Variants in SAP130 observed in about 807,000 individuals in gnomAD.
SAP130 encodes the protein histone deacetylase complex subunit SAP130.
A neutral mutation model predicts 103.2 loss-of-function variants in SAP130; 16 were observed. The observed-to-expected ratio is 0.16, with a 90% CI of 0.10 to 0.24. SAP130 has a LOEUF of 0.24. Among genes scored for constraint, SAP130 ranks in the 10% least tolerant of loss-of-function variants. SAP130 has a pLI of 1.00. For missense variants in SAP130, 990 were observed against 1,359.7 expected (o/e 0.73, Z 4.28); for synonymous variants, 477 against 497.0 (o/e 0.96, Z 0.53).
At chr2:127,988,680 T>C (rs890574425) in intron 13 of SAP130, among the ~76,000 whole-genome samples, 1 of 151,708 alleles carries the variant, frequency 6.6e-6, no homozygotes, top group Non-Finnish European at 1.5e-5. Flanking sequence ...CAAAACTCTG[T>C]CTCTATTAAA....
chr2:128,003,582 G>A (rs959315092), intron 7 of SAP130, among the ~76,000 whole-genome samples: 1 of 151,512 alleles, frequency 6.6e-6, no homozygotes, highest in African/African-American at 2.4e-5. Context: ...GTGAGACGTT[G>A]TCTCAAAAAC....
At position 127,955,237 on chromosome 2, in the gene SAP130, G is replaced by A; in HGVS notation, c.2171C>T (p.Pro724Leu). Reference sequence around the variant, plus strand: ...GGTCGGTGGGGGCTGCTGGGCAGTTGGAGGGACGGCAATGGTAGGCTGATC... The same window carrying A: ...GGTCGGTGGGGGCTGCTGGGCAGTTAGAGGGACGGCAATGGTAGGCTGATC... ...NNDQPTIAVPPTAQQPPPTIP... is the reference protein window; with the variant it reads ...NNDQPTIAVPLTAQQPPPTIP... Residue 724 changes from proline to leucine, a missense_variant, in exon 16 of 21, where the codon CCA (proline) becomes CTA (leucine). By Grantham distance (98) the Pro-to-Leu change is moderately conservative. This residue lies in a region of SAP130 where 349 missense variants were observed against 384.1 expected (regional missense o/e 0.91). Transcript: ENST00000643581. The surrounding 1 kb of genome is among the most constrained non-coding windows in gnomAD (Gnocchi z 4.9). 1 of 1,614,124 alleles carries A rather than the reference G, an allele frequency of 6.2e-7. No homozygotes were observed. Among genetic ancestry groups the A allele is most frequent in the Non-Finnish European group, 8.5e-7 (1 of 1,180,008 alleles).
At chr2:128,022,574 A>T (rs1174899941) in intron 2 of SAP130, among the ~76,000 whole-genome samples, 1 of 152,182 alleles carries the variant, frequency 6.6e-6, no homozygotes, top group Non-Finnish European at 1.5e-5. Context: ...TGCATTCCCA[A>T]CAATAAAGTA....
intron 1 of SAP130, 63 bp from the exon 2 acceptor site, chr2:128,026,361 T>C: frequency 1.7e-6 from 2 of 1,182,698 alleles, no homozygotes; most frequent in Non-Finnish European, 2.5e-6. Flanking sequence ...TACTGAGAAA[T>C]TAAAGCATCT....
intron 15 of SAP130, among the ~76,000 whole-genome samples, chr2:127,963,055 T>C (rs1559045695): frequency 6.6e-6 from 1 of 152,198 alleles, no homozygotes; most frequent in Non-Finnish European, 1.5e-5. Context: ...CTACTGGACT[T>C]ACTTCTTTAT....
chr2:128,015,341 G>A (rs1427226854), intron 4 of SAP130, among the ~76,000 whole-genome samples: 1 of 152,044 alleles, frequency 6.6e-6, no homozygotes, highest in East Asian at 1.9e-4. Context: ...TATCCAACAG[G>A]TGCTCCCTAC....
intron 7 of SAP130, among the ~76,000 whole-genome samples, chr2:128,005,688 C>A (rs1181221043): frequency 1.3e-5 from 2 of 151,688 alleles, no homozygotes; most frequent in Non-Finnish European, 2.9e-5. Flanking sequence ...GCTCTGTTGC[C>A]CAGGCTGGAG....
rs1296680321 is a variant in SAP130, at chr2:128,016,468, G to A, written c.428C>T (p.Pro143Leu). Residue 143 changes from proline to leucine, a missense_variant, in exon 4 of 21, where the codon CCA (proline) becomes CTA (leucine). Physicochemically the swap from Pro to Leu is moderately conservative, Grantham distance 98 (BLOSUM62 -3). Coordinates refer to ENST00000643581, the MANE Select transcript of SAP130 (RefSeq NM_001330301.2). ...PSTLSLPPKV[P>L]GQVTVTMESS... ...CTCCATGGTAACGGTAACCTGCCCT[G>A]GAACCTTGGGGGGAAGTGACAGGGT... The A allele has an allele frequency of 6.2e-7, 1 of 1,613,898 alleles. No individual in the cohort carries two copies. The highest frequency in any genetic ancestry group is 1.3e-5 in the African/African-American group (1 of 74,894).
rs1466475520 is a variant in SAP130, at chr2:127,981,519, C to T, written c.1959-3430G>A. ...ACCCCGACCCAGTCCTCTTGCACCCCTGACTCAGTTCCCCCACCCCGACTC... is the reference window on the plus strand; with the variant it reads ...ACCCCGACCCAGTCCTCTTGCACCCTTGACTCAGTTCCCCCACCCCGACTC... On this transcript the variant is annotated intron_variant, in intron 14 of 20. Coordinates refer to ENST00000643581, the MANE Select transcript of SAP130 (RefSeq NM_001330301.2). 1.9e-4 allele frequency among the ~76,000 whole-genome samples: 18 copies of T among 93,898 alleles called. 1 individual carries two copies. The highest frequency in any genetic ancestry group is 7.3e-4 in the African/African-American group (12 of 16,460). The allele number at this position is 93,898 out of a possible 152,430, so 61.6% of individuals were successfully genotyped here.
intron 15 of SAP130, among the ~76,000 whole-genome samples, chr2:127,963,195 T>G (rs891466268): frequency 4.6e-5 from 7 of 152,110 alleles, no homozygotes; most frequent in Non-Finnish European, 7.3e-5. Flanking sequence ...TTGACAAAAG[T>G]AGTTTGTTTT....
chr2:127,981,098 T>C (rs1681835983), intron 14 of SAP130, among the ~76,000 whole-genome samples: 1 of 151,700 alleles, frequency 6.6e-6, no homozygotes, highest in Admixed American at 6.6e-5. Context: ...GGCCTTACAA[T>C]ACAGTCCCTT....
chr2:127,960,691 G>C (rs1272613585), intron 15 of SAP130, among the ~76,000 whole-genome samples: 1 of 152,030 alleles, frequency 6.6e-6, no homozygotes. Flanking sequence ...TATCAAGAAA[G>C]CTCCCTTTTT....
At chr2:128,022,606 C>G (rs1186549736) in intron 2 of SAP130, among the ~76,000 whole-genome samples, 1 of 152,156 alleles carries the variant, frequency 6.6e-6, no homozygotes, top group Non-Finnish European at 1.5e-5. Flanking sequence ...TGCGCTACAA[C>G]CATTCCAACA....
chr2:127,996,549 A>C lies in SAP130; in HGVS notation c.1214-58T>G. The C allele has an allele frequency of 1.4e-6, 2 of 1,397,558 alleles. No homozygotes were observed. The highest frequency in any genetic ancestry group is 1.9e-6 in the Non-Finnish European group (2 of 1,057,154). 86.6% of individuals were successfully genotyped at this position (1,397,558 alleles called of 1,614,324 possible). On this transcript the variant is annotated intron_variant, in intron 10 of 20. Transcript: ENST00000643581. The surrounding 1 kb of genome is among the most constrained non-coding windows in gnomAD (Gnocchi z 4.3). ...TCTACACTTTTTTTTGGCATGCCAA[A>C]ACATTCTTGGCTAGCAGCAATCTTA...
At chr2:128,019,657 GGGGA>G (rs1685020228) in intron 2 of SAP130, among the ~76,000 whole-genome samples, 1 of 152,134 alleles carries the variant, frequency 6.6e-6, no homozygotes, top group Non-Finnish European at 1.5e-5. Flanking sequence ...AGGCCAAGGT[GGGGA>G]GATCACTTGA....
Position 127,942,259 on chromosome 2 carries a change from C to T in SAP130, c.3016-95G>A, listed in dbSNP as rs1370229. On this transcript the variant is annotated intron_variant, in intron 20 of 20. Coordinates refer to ENST00000643581, the MANE Select transcript of SAP130 (RefSeq NM_001330301.2). This position sits in a 1 kb window ranked among gnomAD's most constrained non-coding sequence, Gnocchi z 4.8. ...CCTTTGGGCAGAGGCCATGTTGAGG[C>T]TTCCACAACAGAGAAAATGTCTTTT... 600,971 of 1,226,712 alleles carry T rather than the reference C, an allele frequency of 0.49. 155,687 individuals are homozygous for T. The highest frequency in any genetic ancestry group is 0.53 in the Non-Finnish European group (461,279 of 867,426). The allele number at this position is 1,226,712 out of a possible 1,614,324, so 76.0% of individuals were successfully genotyped here.
chr2:128,003,342 A>G (rs1298453076), intron 7 of SAP130, among the ~76,000 whole-genome samples: 2 of 151,730 alleles, frequency 1.3e-5, no homozygotes, highest in African/African-American at 2.4e-5. Context: ...CCCAGTCTCT[A>G]TGAAAAATAA....
Position 127,989,654 on chromosome 2 carries a change from C to T in SAP130, c.1690G>A (p.Gly564Arg). ...TTGATTGGGGTTGCTGAGTGAATTC[C>T]CTGTGTGCCAAGTGGTGCAGGCTGT... Reference protein sequence around the residue: ...GIQPAPLGTQGIHSATPINTQ... With the variant: ...GIQPAPLGTQRIHSATPINTQ... The change falls in exon 13 of 21, where the codon GGA becomes AGA. Residue 564 changes from glycine (G) to arginine (R), a missense_variant. By Grantham distance (125) the Gly-to-Arg change is moderately radical (BLOSUM62 -2). This residue lies in a region of SAP130 where 349 missense variants were observed against 384.1 expected (regional missense o/e 0.91). Coordinates refer to ENST00000643581, the MANE Select transcript of SAP130 (RefSeq NM_001330301.2). The surrounding 1 kb of genome is among the most constrained non-coding windows in gnomAD (Gnocchi z 4.6). The T allele has an allele frequency of 6.2e-7, 1 of 1,614,078 alleles. No individual in the cohort carries two copies. The highest frequency in any genetic ancestry group is 8.5e-7 in the Non-Finnish European group (1 of 1,180,026).
At chr2:128,020,555 T>C (rs1685082655) in intron 2 of SAP130, among the ~76,000 whole-genome samples, 1 of 152,238 alleles carries the variant, frequency 6.6e-6, no homozygotes, top group South Asian at 2.1e-4. Context: ...ATTTTACTCT[T>C]AAGAGGCACT....
Sources: allele counts gnomAD v4.1 joint callset (sites outside exome capture counted in the v4.1 genomes callset), GRCh38; gene constraint gnomAD v4.1.1; regional missense constraint gnomAD v4.1.1; non-coding constraint Gnocchi (gnomAD v3.1); transcripts MANE v1.5; gene names NCBI Gene and HGNC (gene_info 2026-07-23, HGNC 2026-07-21).